FRMD4A: variants seen among roughly 807,000 people sequenced by gnomAD.
The protein encoded by FRMD4A is FERM domain-containing protein 4A.
FRMD4A carries 29 observed loss-of-function variants against 129.1 expected under a neutral mutation model. The observed-to-expected ratio is 0.22, with a 90% CI of 0.17 to 0.31. FRMD4A has a LOEUF of 0.31. Among genes scored for constraint, FRMD4A ranks in the 10% least tolerant of loss-of-function variants. FRMD4A has a pLI of 1.00. For missense variants in FRMD4A, 1,272 were observed against 1,375.8 expected, an observed-to-expected ratio of 0.92 and a Z score of 1.19; for synonymous variants, 634 against 571.6, an observed-to-expected ratio of 1.11 and a Z score of -1.56.
At position 14,254,521 on chromosome 10, in the gene FRMD4A, C is replaced by A. The variant is rs551361217; in HGVS notation, c.45+75537G>T. On this transcript the variant is annotated intron_variant, in intron 2 of 24. Transcript: ENST00000357447. Reference sequence around the variant, plus strand: ...GTATTGGGCTTGAAGTGGGAGCCAGCTAATGCTGGAAGATCCAGTTTGGAT... The same window carrying A: ...GTATTGGGCTTGAAGTGGGAGCCAGATAATGCTGGAAGATCCAGTTTGGAT... Among the ~76,000 whole-genome samples, 3 of 152,258 alleles carry A rather than the reference C, an allele frequency of 2.0e-5. No individual in the cohort carries two copies. In the South Asian group the frequency reaches 6.2e-4, roughly 32 times the overall value.
intron 15 of FRMD4A, among the ~76,000 whole-genome samples, chr10:13,677,692 G>A (rs915934241): frequency 6.6e-6 from 1 of 152,200 alleles, no homozygotes; most frequent in Non-Finnish European, 1.5e-5. Context: ...TCCAGTTTAT[G>A]TCCCTCCAAG....
intron 8 of FRMD4A, among the ~76,000 whole-genome samples, chr10:13,750,972 C>T (rs1036455723): frequency 2.0e-5 from 3 of 152,198 alleles, no homozygotes; most frequent in Non-Finnish European, 2.9e-5. Context: ...ATGGTAAGTT[C>T]CCTGAGAAAA....
chr10:14,064,438 C>G (rs2131706694), intron 2 of FRMD4A, among the ~76,000 whole-genome samples: 1 of 152,312 alleles, frequency 6.6e-6, no homozygotes, highest in South Asian at 2.1e-4. Context: ...CCGTGGCCAC[C>G]TGAGGGGAAG....
chr10:13,859,966 T>C (rs544015229), intron 2 of FRMD4A, among the ~76,000 whole-genome samples: 4 of 152,226 alleles, frequency 2.6e-5, no homozygotes, highest in South Asian at 2.1e-4. Context: ...CTGTCTCATA[T>C]CCAAAAATAA....
At chr10:14,265,071 T>C (rs555812839) in intron 2 of FRMD4A, among the ~76,000 whole-genome samples, 3 of 152,194 alleles carry the variant, frequency 2.0e-5, no homozygotes, top group Non-Finnish European at 4.4e-5. Flanking sequence ...CGTGAGCCAC[T>C]GAGCCTGGCC....
At position 13,660,809 on chromosome 10, in the gene FRMD4A, C is replaced by T. The variant is rs1224966971; in HGVS notation, c.1661-256G>A. On this transcript the variant is annotated intron_variant, in intron 19 of 24. Coordinates refer to ENST00000357447, the MANE Select transcript of FRMD4A (RefSeq NM_018027.5). Reference sequence around the variant, plus strand: ...GAGATGCGTCACTTTTGATTAGACACGAATGGAGTGAAGTCTGAACGTCAT... The same window carrying T: ...GAGATGCGTCACTTTTGATTAGACATGAATGGAGTGAAGTCTGAACGTCAT... 5.9e-5 allele frequency among the ~76,000 whole-genome samples: 9 copies of T among 152,174 alleles called. No homozygotes were observed. The South Asian group carries it at 8.3e-4, about 14-fold the overall frequency.
At chr10:13,774,042 T>C (rs1464536141) in intron 6 of FRMD4A, among the ~76,000 whole-genome samples, 1 of 152,230 alleles carries the variant, frequency 6.6e-6, no homozygotes, top group Non-Finnish European at 1.5e-5. Context: ...ATCCACGCCC[T>C]GGCCAATGTC....
chr10:14,080,777 G>A (rs527368348), intron 2 of FRMD4A, among the ~76,000 whole-genome samples: 51 of 152,050 alleles, frequency 3.4e-4, no homozygotes, highest in African/African-American at 1.2e-3. Context: ...GTGTCCAGTT[G>A]GCATCTCTAT....
At chr10:14,266,476 G>C (rs1844982503) in intron 2 of FRMD4A, among the ~76,000 whole-genome samples, 1 of 151,122 alleles carries the variant, frequency 6.6e-6, no homozygotes, top group South Asian at 2.1e-4. Flanking sequence ...TTGATGCTTA[G>C]GATCCCTAGT....
chr10:14,213,608 C>T (rs1441068085), intron 2 of FRMD4A, among the ~76,000 whole-genome samples: 1 of 152,202 alleles, frequency 6.6e-6, no homozygotes, highest in Non-Finnish European at 1.5e-5. Context: ...AACCATCCCA[C>T]AGAATAGGAG....
intron 2 of FRMD4A, among the ~76,000 whole-genome samples, chr10:14,150,808 A>G (rs1370401725): frequency 6.6e-6 from 1 of 152,144 alleles, no homozygotes; most frequent in African/African-American, 2.4e-5. Flanking sequence ...TCCTCTCCCA[A>G]TGAGCATTAG....
intron 2 of FRMD4A, among the ~76,000 whole-genome samples, chr10:14,327,331 T>A (rs1189490248): frequency 6.6e-6 from 1 of 152,102 alleles, no homozygotes; most frequent in African/African-American, 2.4e-5. Context: ...ATGTGCAAGG[T>A]TGGAAATAGA....
chr10:14,280,301 A>G (rs1290507407), intron 2 of FRMD4A, among the ~76,000 whole-genome samples: 1 of 151,824 alleles, frequency 6.6e-6, no homozygotes, highest in Non-Finnish European at 1.5e-5. Flanking sequence ...CCTGGCCATC[A>G]ACATCAGAAA....
intron 2 of FRMD4A, among the ~76,000 whole-genome samples, chr10:13,939,777 A>G (rs1276537210): frequency 6.6e-6 from 1 of 152,178 alleles, no homozygotes; most frequent in Admixed American, 6.5e-5. Flanking sequence ...CAGGGCTGCC[A>G]CAAGGGAAGT....
chr10:13,878,866 G>A (rs1053531932), intron 2 of FRMD4A, among the ~76,000 whole-genome samples: 1 of 123,844 alleles, frequency 8.1e-6, no homozygotes, highest in African/African-American at 3.2e-5. Flanking sequence ...CTGGAAATGA[G>A]TCTGTGACTA....
At position 13,729,822 on chromosome 10, in the gene FRMD4A, G is replaced by C. The variant is rs73583662; in HGVS notation, c.759+8022C>G. On this transcript the variant is annotated intron_variant, in intron 12 of 24. Coordinates refer to ENST00000357447, the MANE Select transcript of FRMD4A (RefSeq NM_018027.5). ...ATGCTGTCTGCTGAATATGTAACAA[G>C]GACTGATGTTGCTATTTCTTCCCAG... Among the ~76,000 whole-genome samples the C allele has an allele frequency of 7.8e-3, 1,187 of 152,264 alleles. 10 individuals carry two copies. Among genetic ancestry groups the C allele is most frequent in the African/African-American group, 0.027 (1,127 of 41,550 alleles).
chr10:14,312,087 C>T lies in FRMD4A; in HGVS notation c.45+17971G>A, dbSNP rs148382451. 7.8e-3 allele frequency among the ~76,000 whole-genome samples: 1,191 copies of T among 152,240 alleles called. 7 individuals carry two copies. Among genetic ancestry groups the T allele is most frequent in the Non-Finnish European group, 0.013 (916 of 68,024 alleles). ...TTAAATTAATTTGATCTTTGAAAAG[C>T]GTCATAAACCATTTCCTCAGTGAAA... is the stretch of plus-strand genomic sequence containing the variant. On this transcript the variant is annotated intron_variant, in intron 2 of 24. Coordinates refer to ENST00000357447, the MANE Select transcript of FRMD4A (RefSeq NM_018027.5).
At chr10:13,949,281 A>G (rs1361363655) in intron 2 of FRMD4A, among the ~76,000 whole-genome samples, 1 of 144,310 alleles carries the variant, frequency 6.9e-6, no homozygotes, top group Non-Finnish European at 1.5e-5. Flanking sequence ...ACGAGCTCCC[A>G]AGTTCTAGGT....
chr10:14,063,524 A>G (rs368689946), intron 2 of FRMD4A, among the ~76,000 whole-genome samples: 44 of 151,148 alleles, frequency 2.9e-4, no homozygotes, highest in African/African-American at 1.0e-3. Context: ...AAGTGTGATA[A>G]AAACCTGAGT....
Sources: gnomAD v4.1 joint callset for allele counts (sites outside exome capture counted in the v4.1 genomes callset) on GRCh38, gnomAD v4.1.1 for gene constraint, MANE v1.5 for transcripts, NCBI Gene and HGNC (gene_info 2026-07-23, HGNC 2026-07-21) for gene names.